Variants in ACYP2 observed in about 807,000 individuals in gnomAD.
ACYP2 encodes acylphosphatase-2.
ACYP2 carries 12 observed loss-of-function variants against 11.2 expected under a neutral mutation model. The observed-to-expected ratio is 1.08, with a 90% confidence interval of 0.69 to 1.74. The LOEUF (loss-of-function observed/expected upper bound fraction) is 1.74, where lower values mean the gene tolerates loss of function less well. Among genes scored for constraint, ACYP2 ranks in the 40% most tolerant of loss-of-function variants. The pLI is 0.00. For missense variants in ACYP2, 134 were observed against 101.9 expected (o/e 1.31, Z -1.35); for synonymous variants, 43 against 32.2 (o/e 1.33, Z -1.13).
chr2:53,971,903 G>A (rs1207593749), intron 1 of ACYP2, among the ~76,000 whole-genome samples: 3 of 152,178 alleles, frequency 2.0e-5, no homozygotes, highest in Admixed American at 2.0e-4. Context: ...GAGAGGGGAC[G>A]GAGAAATGAG....
At chr2:54,279,228 A>T (rs1573041298) in intron 6 of ACYP2, among the ~76,000 whole-genome samples, 1 of 152,228 alleles carries the variant, frequency 6.6e-6, no homozygotes. Context: ...CCAGTGGGCC[A>T]TATCCAGCCC....
chr2:53,993,718 G>C (rs1436074571), intron 2 of ACYP2, among the ~76,000 whole-genome samples: 1 of 151,844 alleles, frequency 6.6e-6, no homozygotes, highest in Non-Finnish European at 1.5e-5. Context: ...AAAAAGATTT[G>C]GGAATCAAAA....
chr2:53,983,390 G>A (rs765748921), intron 2 of ACYP2, among the ~76,000 whole-genome samples: 75 of 151,938 alleles, frequency 4.9e-4, no homozygotes, highest in Non-Finnish European at 8.2e-4. Context: ...CCTGTAGTCC[G>A]AGCTACTTGG....
intron 6 of ACYP2, among the ~76,000 whole-genome samples, chr2:54,272,591 T>G (rs1237520295): frequency 6.6e-6 from 1 of 152,244 alleles, no homozygotes; most frequent in Non-Finnish European, 1.5e-5. Flanking sequence ...GTGGCTTCCT[T>G]CACGACCAGT....
intron 4 of ACYP2, among the ~76,000 whole-genome samples, chr2:54,092,809 G>A (rs1251585025): frequency 6.6e-6 from 1 of 152,196 alleles, no homozygotes; most frequent in Non-Finnish European, 1.5e-5. Context: ...GCTCTGCTCA[G>A]ATCCCCACTT....
chr2:54,048,026 G>A (rs1044243349), intron 2 of ACYP2, among the ~76,000 whole-genome samples: 1 of 152,172 alleles, frequency 6.6e-6, no homozygotes, highest in East Asian at 1.9e-4. Context: ...ACTAAGCATT[G>A]TAACCTTGGG....
rs549074618 is a variant in ACYP2, at chr2:54,048,012, T to C, written c.63-2946T>C. Reference sequence around the variant, plus strand: ...GTGAAGATCAAGTTGGTCTTCCAGGTCTCACTAAGCATTGTAACCTTGGGC... The same window carrying C: ...GTGAAGATCAAGTTGGTCTTCCAGGCCTCACTAAGCATTGTAACCTTGGGC... On this transcript the variant is annotated intron_variant, in intron 2 of 6. Transcript: ENST00000607452. 4.6e-5 allele frequency among the ~76,000 whole-genome samples: 7 copies of C among 152,324 alleles called. No homozygotes were observed. The East Asian group carries it at 9.6e-4, about 21-fold the overall frequency.
At chr2:54,095,573 C>G (rs1678496087) in intron 4 of ACYP2, among the ~76,000 whole-genome samples, 1 of 149,154 alleles carries the variant, frequency 6.7e-6, no homozygotes, top group Non-Finnish European at 1.5e-5. Flanking sequence ...CTGACCCCAC[C>G]ACCTCCCTCC....
At chr2:54,221,288 G>A (rs1202961037) in intron 6 of ACYP2, among the ~76,000 whole-genome samples, 4 of 152,046 alleles carry the variant, frequency 2.6e-5, no homozygotes, top group Non-Finnish European at 5.9e-5. Flanking sequence ...ACTAAATTTG[G>A]GGTGCTTTAT....
intron 4 of ACYP2, chr2:54,115,390 A>C: frequency 1.7e-6 from 1 of 585,240 alleles, no homozygotes; most frequent in Non-Finnish European, 2.8e-6. Context: ...TTGAGAACAG[A>C]GTACCTTGAT....
At chr2:53,983,992 G>A (rs758029886) in intron 2 of ACYP2, among the ~76,000 whole-genome samples, 5 of 152,082 alleles carry the variant, frequency 3.3e-5, no homozygotes. Context: ...GGATGCTGGG[G>A]GTTTATCCTG....
At chr2:54,033,401 C>T (rs1466867398) in intron 2 of ACYP2, among the ~76,000 whole-genome samples, 1 of 151,250 alleles carries the variant, frequency 6.6e-6, no homozygotes, top group East Asian at 1.9e-4. Flanking sequence ...TTGGTAGAGA[C>T]AGGGTCCCAC....
chr2:54,210,488 A>G (rs935119281), intron 6 of ACYP2, among the ~76,000 whole-genome samples: 2 of 152,170 alleles, frequency 1.3e-5, no homozygotes, highest in Non-Finnish European at 2.9e-5. Context: ...ATTCACTTCC[A>G]ATATGTTTTA....
At chr2:54,104,467 T>C (rs1203177880) in intron 4 of ACYP2, among the ~76,000 whole-genome samples, 1 of 152,216 alleles carries the variant, frequency 6.6e-6, no homozygotes. Flanking sequence ...CAAGTCCTTT[T>C]GTCACCTTTG....
intron 2 of ACYP2, among the ~76,000 whole-genome samples, chr2:54,026,292 A>G (rs1391830737): frequency 3.3e-5 from 5 of 152,218 alleles, no homozygotes; most frequent in African/African-American, 1.2e-4. Flanking sequence ...AAGAAGATAT[A>G]TAAACGGCCA....
intron 6 of ACYP2, among the ~76,000 whole-genome samples, chr2:54,187,491 C>CT (rs1684063050): frequency 6.6e-6 from 1 of 152,134 alleles, no homozygotes; most frequent in African/African-American, 2.4e-5. Flanking sequence ...CCAGGGGCTG[C>CT]TTGCGAAAGG....
rs79990035 is a variant in ACYP2 at position 54,190,986 on chromosome 2, C to T, written c.404+52238C>T. ...TTTTGTTTCTTTCTCTTCCATCTCT[C>T]AGCCATTACTAAATTCTGTTCTACT... On this transcript the variant is annotated intron_variant, in intron 6 of 6. Transcript: ENST00000607452. Among the ~76,000 whole-genome samples, 252 of 152,284 alleles carry T rather than the reference C, an allele frequency of 1.7e-3. 10 individuals are homozygous for T. The East Asian group carries it at 0.046, about 28-fold the overall frequency.
chr2:54,088,072 T>C (rs989677454), intron 4 of ACYP2, among the ~76,000 whole-genome samples: 1 of 152,170 alleles, frequency 6.6e-6, no homozygotes, highest in Non-Finnish European at 1.5e-5. Flanking sequence ...ACATGGCCCC[T>C]GCAGCTGGGA....
chr2:54,022,836 A>G (rs937011857), intron 2 of ACYP2, among the ~76,000 whole-genome samples: 1 of 152,148 alleles, frequency 6.6e-6, no homozygotes, highest in African/African-American at 2.4e-5. Flanking sequence ...CCCAAGAGGA[A>G]TCCGAATGGA....
Sources: gnomAD v4.1 joint callset for allele counts (sites outside exome capture counted in the v4.1 genomes callset) on GRCh38, gnomAD v4.1.1 for gene constraint, MANE v1.5 for transcripts, NCBI Gene and HGNC (gene_info 2026-07-23, HGNC 2026-07-21) for gene names.